The following CCNJ variants were observed in gnomAD, a reference collection of about 807,000 sequenced individuals.
CCNJ encodes the protein cyclin J, also known as cyclin-J.
In CCNJ, 12 loss-of-function variants were observed where a neutral mutation model predicts 41.4. The observed-to-expected ratio is 0.29, with a 90% CI of 0.19 to 0.47. The LOEUF (loss-of-function observed/expected upper bound fraction) is 0.47, where lower values mean the gene tolerates loss of function less well. CCNJ is among the 20% of genes least tolerant of loss of function. The pLI is 1.00. For missense variants in CCNJ, 340 were observed against 464.6 expected (o/e 0.73, Z 2.47); for synonymous variants, 161 against 173.4 (o/e 0.93, Z 0.56).
At chr10:96,046,789 C>T (rs2080376400) in intron 2 of CCNJ, among the ~76,000 whole-genome samples, 1 of 152,184 alleles carries the variant, frequency 6.6e-6, no homozygotes, top group Non-Finnish European at 1.5e-5. Flanking sequence ...CCCTACAAAG[C>T]AGCTGTCACC....
At chr10:96,054,380 C>T (rs1191989383) in intron 3 of CCNJ, among the ~76,000 whole-genome samples, 1 of 152,314 alleles carries the variant, frequency 6.6e-6, no homozygotes, top group South Asian at 2.1e-4. Context: ...GACATTATCA[C>T]ACTTTTTGAA....
intron 3 of CCNJ, among the ~76,000 whole-genome samples, chr10:96,053,034 T>C (rs2080572562): frequency 6.6e-6 from 1 of 152,226 alleles, no homozygotes; most frequent in South Asian, 2.1e-4. Flanking sequence ...TATAAACTGA[T>C]AAACTCTTTT....
intron 3 of CCNJ, among the ~76,000 whole-genome samples, chr10:96,053,757 G>A (rs1311407054): frequency 6.6e-6 from 1 of 152,142 alleles, no homozygotes; most frequent in Non-Finnish European, 1.5e-5. Flanking sequence ...CCAACACTGG[G>A]TTAGCAAAGC....
chr10:96,046,437 G>A (rs2080365585), intron 2 of CCNJ, among the ~76,000 whole-genome samples: 1 of 152,206 alleles, frequency 6.6e-6, no homozygotes, highest in South Asian at 2.1e-4. Context: ...AAAAGACGTG[G>A]TAATTCCAGG....
chr10:96,044,993 A>AAT (rs1326202770), intron 2 of CCNJ, among the ~76,000 whole-genome samples: 1 of 152,184 alleles, frequency 6.6e-6, no homozygotes, highest in Non-Finnish European at 1.5e-5. Flanking sequence ...ATGTGCTTAG[A>AAT]AACTGCTCTT....
chr10:96,052,989 G>A (rs533148702), intron 3 of CCNJ, among the ~76,000 whole-genome samples: 2 of 152,298 alleles, frequency 1.3e-5, no homozygotes, highest in South Asian at 4.1e-4. Flanking sequence ...CCCAACCCTA[G>A]TCTGTAACTT....
rs3841417 is a variant in CCNJ, at chr10:96,059,593, GA to G, written c.*1353del. On this transcript the variant is annotated 3_prime_UTR_variant, in exon 6 of 6. Transcript: ENST00000465148. ...GTATACATTGTGCTCCTTTCTGTGG[GA>G]GAAGAAAGATTTGGTGGAGGGAAGC... is the stretch of plus-strand genomic sequence containing the variant. 45,341 of 152,208 alleles carry G rather than the reference GA, an allele frequency of 0.3. 7,530 individuals are homozygous for G. Among genetic ancestry groups the G allele is most frequent in the East Asian group, 0.51 (2,619 of 5,160 alleles). The allele number at this position is 152,208 out of a possible 1,614,324, so 9.4% of individuals were successfully genotyped here. A position where few individuals can be genotyped will look rare whatever the true frequency, so the allele number is the denominator to read the frequency against.
At chr10:96,057,580 T>TA (rs1379687713) in intron 5 of CCNJ, among the ~76,000 whole-genome samples, 1 of 152,244 alleles carries the variant, frequency 6.6e-6, no homozygotes, top group Non-Finnish European at 1.5e-5. Flanking sequence ...CAGCCACACT[T>TA]ACGTGCTTAT....
Position 96,058,905 on chromosome 10 carries a change from T to G in CCNJ, c.*664T>G, listed in dbSNP as rs1431599854. 1 of 159,398 alleles carries G rather than the reference T, an allele frequency of 6.3e-6. No homozygotes were observed. The highest frequency in any genetic ancestry group is 1.4e-5 in the Non-Finnish European group (1 of 72,904). 9.9% of individuals were successfully genotyped at this position (159,398 alleles called of 1,614,324 possible). The stretch of plus-strand genomic sequence containing the variant: ...TTAAATCATGGTCATAATTTTTCTT[T>G]TTTTCCCTAAGTGATCAACATCAAA... On this transcript the variant is annotated 3_prime_UTR_variant, in exon 6 of 6. Coordinates refer to ENST00000465148, the MANE Select transcript of CCNJ (RefSeq NM_001134375.2).
intron 2 of CCNJ, 117 bp from the exon 3 acceptor site, chr10:96,050,139 A>G (rs371886092): frequency 2.7e-6 from 2 of 741,234 alleles, no homozygotes; most frequent in Non-Finnish European, 4.5e-6. Flanking sequence ...TCCAGTCAAG[A>G]AAAGTATGTT....
chr10:96,049,812 C>T (rs2080473451), intron 2 of CCNJ, among the ~76,000 whole-genome samples: 1 of 152,162 alleles, frequency 6.6e-6, no homozygotes, highest in Admixed American at 6.5e-5. Context: ...CTGCTTTCTA[C>T]ACTGTTGCAA....
At chr10:96,043,431 G>C, upstream of CCNJ, 1 of 376,096 alleles carries the variant, frequency 2.7e-6, no homozygotes, top group East Asian at 3.8e-5. Flanking sequence ...GGGAGCCGCC[G>C]CGCCGCCGCC....
intron 2 of CCNJ, among the ~76,000 whole-genome samples, chr10:96,045,682 CT>C (rs34579425): frequency 0.13 from 19,103 of 143,432 alleles, 1,248 homozygotes; most frequent in Middle Eastern, 0.2. Flanking sequence ...CACTTTTGAT[CT>C]TTTTTTTTTT....
intron 2 of CCNJ, among the ~76,000 whole-genome samples, chr10:96,047,494 T>C (rs1420358798): frequency 6.6e-6 from 1 of 152,088 alleles, no homozygotes. Flanking sequence ...AGAAACTAAC[T>C]GGGCGTGGCA....
intron 2 of CCNJ, among the ~76,000 whole-genome samples, chr10:96,049,979 T>C (rs1318953872): frequency 6.6e-6 from 1 of 152,120 alleles, no homozygotes; most frequent in Non-Finnish European, 1.5e-5. Flanking sequence ...GATTCTCTTA[T>C]TAAAAATCTT....
At chr10:96,050,561 A>C in intron 3 of CCNJ, 95 bp downstream of exon 3, 1 of 893,082 alleles carries the variant, frequency 1.1e-6, no homozygotes, top group Admixed American at 2.1e-5. Context: ...ATCAAATCCC[A>C]TTCATTCCAG....
chr10:96,056,796 A>C lies in CCNJ; in HGVS notation c.376A>C (p.Asn126His). Residue 126 changes from asparagine to histidine, a missense_variant, in exon 4 of 6, where the codon AAT becomes CAT. Transcript: ENST00000465148. ...TATGAATCTAGTATTAACAAAACAA[A>C]ATTTGCTACATATGGAACTATTATT... Reference protein sequence around the residue: ...TNMNLVLTKQNLLHMELLLLE... With the variant: ...TNMNLVLTKQHLLHMELLLLE... 6.2e-7 allele frequency: 1 copy of C among 1,614,042 alleles called. No homozygotes were observed. The highest frequency in any genetic ancestry group is 2.2e-5 in the East Asian group (1 of 44,888).
At chr10:96,044,488 C>CTCCT in intron 2 of CCNJ, 26 bp downstream of exon 2, 1 of 1,470,740 alleles carries the variant, frequency 6.8e-7, no homozygotes, top group South Asian at 1.4e-5. Context: ...GGCCTGCCTT[C>CTCCT]TCCTTCTGTG....
chr10:96,057,322 C>A, intron 5 of CCNJ, 75 bp downstream of exon 5: 2 of 1,292,466 alleles, frequency 1.5e-6, no homozygotes, highest in Non-Finnish European at 2.2e-6. Flanking sequence ...CTGAAAACAG[C>A]TTCTGAAAGG....
Sources: gnomAD v4.1 joint callset for allele counts (sites outside exome capture counted in the v4.1 genomes callset) on GRCh38, gnomAD v4.1.1 for gene constraint, MANE v1.5 for transcripts, NCBI Gene and HGNC (gene_info 2026-07-23, HGNC 2026-07-21) for gene names.